ZKSCAN7: variants seen among roughly 807,000 people sequenced by gnomAD.
ZKSCAN7 encodes the protein zinc finger with KRAB and SCAN domains 7.
ZKSCAN7 carries 38 observed loss-of-function variants against 65.3 expected under a neutral mutation model. The observed-to-expected ratio is 0.58, with a 90% CI of 0.45 to 0.76. ZKSCAN7 has a LOEUF of 0.76. ZKSCAN7 is among the 30% of genes least tolerant of loss of function. The pLI is 0.00. For missense variants in ZKSCAN7, 815 were observed against 913.3 expected (o/e 0.89, Z 1.39); for synonymous variants, 321 against 321.0 (o/e 1.00, Z 0.00).
At chr3:44,562,175 C>T (rs1312756172) in intron 2 of ZKSCAN7, among the ~76,000 whole-genome samples, 1 of 152,240 alleles carries the variant, frequency 6.6e-6, no homozygotes, top group Non-Finnish European at 1.5e-5. Context: ...TTGCCTTCTG[C>T]ACACCTGCAG....
At chr3:44,569,231 G>A (rs962915913) in intron 5 of ZKSCAN7, among the ~76,000 whole-genome samples, 1 of 152,196 alleles carries the variant, frequency 6.6e-6, no homozygotes, top group African/African-American at 2.4e-5. Context: ...GTGGCCCATC[G>A]TGGGATGCTC....
At chr3:44,568,785 C>T (rs1699710594) in intron 5 of ZKSCAN7, among the ~76,000 whole-genome samples, 1 of 152,202 alleles carries the variant, frequency 6.6e-6, no homozygotes, top group African/African-American at 2.4e-5. Context: ...GGCCTTGACC[C>T]TGGGAGCCTG....
At chr3:44,578,893 G>A (rs1699987816) in intron 5 of ZKSCAN7, among the ~76,000 whole-genome samples, 2 of 152,232 alleles carry the variant, frequency 1.3e-5, no homozygotes, top group South Asian at 4.1e-4. Context: ...AGCCCTCACG[G>A]GCGCTCTGCT....
rs201683118 is a variant in ZKSCAN7, at chr3:44,560,749, C to G, written c.423+3279C>G. Among the ~76,000 whole-genome samples the G allele has an allele frequency of 9.2e-5, 14 of 152,242 alleles. No individual in the cohort carries two copies. In the East Asian group the frequency reaches 2.7e-3, roughly 29 times the overall value. On this transcript the variant is annotated intron_variant, in intron 2 of 5. Transcript: ENST00000426540. ...GGTTTCGATCTCCTGACCTCATGAT[C>G]CTCCCGCCTCGTTCTCCCAAAGTGC...
At chr3:44,572,630 A>G (rs1055518015), downstream of ZKSCAN7, among the ~76,000 whole-genome samples, 1 of 151,868 alleles carries the variant, frequency 6.6e-6, no homozygotes, top group Non-Finnish European at 1.5e-5. Context: ...CAGGCGGATC[A>G]CGAGGTCAGG....
Position 44,556,938 on chromosome 3 carries a change from A to T in ZKSCAN7, c.-110A>T. On this transcript the variant is annotated 5_prime_UTR_variant, in exon 2 of 6. Coordinates refer to ENST00000426540, the MANE Select transcript of ZKSCAN7 (RefSeq NM_001288590.2). ...CACTCTTGTTTCTGTAGGCCACACT[A>T]CCATCACCCCTTTCTCCAACCCTGA... is the stretch of plus-strand genomic sequence containing the variant. The T allele has an allele frequency of 7.1e-7, 1 of 1,416,510 alleles. No homozygotes were observed. The highest frequency in any genetic ancestry group is 9.8e-7 in the Non-Finnish European group (1 of 1,016,070). The allele number at this position is 1,416,510 out of a possible 1,614,324, so 87.7% of individuals were successfully genotyped here.
intron 2 of ZKSCAN7, 148 bp downstream of exon 2, chr3:44,557,618 G>A: frequency 9.1e-7 from 1 of 1,102,334 alleles, no homozygotes; most frequent in Non-Finnish European, 1.3e-6. Context: ...AAATAGTTTT[G>A]TGCTCCAAGC....
chr3:44,572,348 G>T (rs1443982072), downstream of ZKSCAN7, among the ~76,000 whole-genome samples: 3 of 4,094 alleles, frequency 7.3e-4, no homozygotes, highest in East Asian at 3.3e-3. Context: ...AATGGATTTT[G>T]TGTGTGTGTG....
chr3:44,580,752 G>A, intron 5 of ZKSCAN7: 11 of 1,613,886 alleles, frequency 6.8e-6, no homozygotes, highest in Non-Finnish European at 9.3e-6. Flanking sequence ...CTGAGGAAGG[G>A]TCGTGGGCAT....
At chr3:44,580,086 T>G in intron 5 of ZKSCAN7, 1 of 1,605,710 alleles carries the variant, frequency 6.2e-7, no homozygotes, top group Non-Finnish European at 8.5e-7. Flanking sequence ...GGTCTCCATG[T>G]GCTCTGCCTT....
intron 5 of ZKSCAN7, among the ~76,000 whole-genome samples, chr3:44,581,747 TACTC>T (rs1195872403): frequency 1.3e-5 from 2 of 152,234 alleles, no homozygotes; most frequent in East Asian, 1.9e-4. Flanking sequence ...GTGGTATACT[TACTC>T]ACTTACCTCT....
chr3:44,580,621 C>T, intron 5 of ZKSCAN7: 2 of 1,613,896 alleles, frequency 1.2e-6, no homozygotes, highest in Non-Finnish European at 1.7e-6. Context: ...CTGACGATCT[C>T]CTTGGTCTCC....
chr3:44,562,235 A>C (rs9820838), intron 2 of ZKSCAN7, among the ~76,000 whole-genome samples: 133,681 of 152,306 alleles, frequency 0.88, 58,778 homozygotes, highest in Middle Eastern at 0.93. Flanking sequence ...CCCTCTGAGG[A>C]CACAGCCTGA....
At chr3:44,556,798 G>A in intron 1 of ZKSCAN7, 132 bp from the exon 2 acceptor site, 1 of 562,704 alleles carries the variant, frequency 1.8e-6, no homozygotes, top group South Asian at 2.1e-5. Flanking sequence ...GGCATCATTT[G>A]GAGAGATGCT....
At chr3:44,581,470 G>A (rs1360686952) in intron 5 of ZKSCAN7, among the ~76,000 whole-genome samples, 2 of 152,292 alleles carry the variant, frequency 1.3e-5, no homozygotes, top group South Asian at 2.1e-4. Context: ...TAAATCACAC[G>A]GGTTAGAGAA....
Position 44,568,305 on chromosome 3 carries a change from A to G in ZKSCAN7, c.685-2A>G. 4 of 1,611,432 alleles carry G rather than the reference A, an allele frequency of 2.5e-6. No individual in the cohort carries two copies. Among genetic ancestry groups the G allele is most frequent in the Non-Finnish European group, 2.5e-6 (3 of 1,179,052 alleles). On this transcript the variant is annotated splice_acceptor_variant, in intron 4 of 5. Transcript: ENST00000426540. LOFTEE classifies it high-confidence loss of function. ...CTGAGCGATTGGAGCTTGTCATTCC[A>G]GGATACTGTGGCATATGAGGACCTA...
chr3:44,557,317 G>C lies in ZKSCAN7; in HGVS notation c.270G>C (p.Lys90Asn). 6.2e-7 allele frequency: 1 copy of C among 1,614,284 alleles called. No homozygotes were observed. Among genetic ancestry groups the C allele is most frequent in the East Asian group, 2.2e-5 (1 of 44,882 alleles). Reference protein sequence around the residue: ...RWWLMPEVHTKEQILELLVLE... With the variant: ...RWWLMPEVHTNEQILELLVLE... ...GGCTCATGCCAGAGGTGCACACCAA[G>C]GAGCAGATCCTGGAGCTGCTGGTGC... is the stretch of plus-strand genomic sequence containing the variant. Residue 90 changes from lysine (K) to asparagine (N), a missense_variant, in exon 2 of 6, where the codon AAG (lysine) becomes AAC (asparagine). By Grantham distance (94) the Lys-to-Asn change is moderately conservative. This residue lies in a region of ZKSCAN7 where 227 missense variants were observed against 253.3 expected (regional missense o/e 0.90). Coordinates refer to ENST00000426540, the MANE Select transcript of ZKSCAN7 (RefSeq NM_001288590.2).
intron 5 of ZKSCAN7, 114 bp downstream of exon 5, chr3:44,568,547 G>C: frequency 6.8e-6 from 10 of 1,469,442 alleles, no homozygotes; most frequent in Non-Finnish European, 8.2e-6. Context: ...AGTTAAACTA[G>C]AGTGAATAAT....
At chr3:44,558,214 C>A (rs1699356753) in intron 2 of ZKSCAN7, among the ~76,000 whole-genome samples, 1 of 151,764 alleles carries the variant, frequency 6.6e-6, no homozygotes, top group Non-Finnish European at 1.5e-5. Context: ...GGCACACATG[C>A]ATGTGCATGT....
Sources: allele counts gnomAD v4.1 joint callset (sites outside exome capture counted in the v4.1 genomes callset), GRCh38; gene constraint gnomAD v4.1.1; regional missense constraint gnomAD v4.1.1; transcripts MANE v1.5; gene names NCBI Gene and HGNC (gene_info 2026-07-23, HGNC 2026-07-21).